RANBP17: variants seen among roughly 807,000 people sequenced by gnomAD.
The protein encoded by RANBP17 is RAN binding protein 17, also known as ran-binding protein 17.
Under a neutral mutation model 141.2 loss-of-function variants are expected in RANBP17, and 158 were observed. The observed-to-expected ratio is 1.12, with a 90% CI of 0.98 to 1.28. The LOEUF is 1.28. RANBP17 is among the 50% of genes most tolerant of loss of function. The pLI is 0.00. For missense variants in RANBP17, 1,438 were observed against 1,290.7 expected (o/e 1.11, Z -1.75); for synonymous variants, 430 against 450.0 (o/e 0.96, Z 0.56).
intron 14 of RANBP17, among the ~76,000 whole-genome samples, chr5:170,988,317 A>ACT (rs1778290083): frequency 2.7e-5 from 4 of 150,918 alleles, no homozygotes; most frequent in Non-Finnish European, 5.9e-5. Flanking sequence ...GGAGAGGGTG[A>ACT]TAATTTCATC....
chr5:171,029,526 A>G (rs1423060244), intron 14 of RANBP17, among the ~76,000 whole-genome samples: 5 of 152,114 alleles, frequency 3.3e-5, no homozygotes, highest in African/African-American at 1.2e-4. Flanking sequence ...TTGGCTTGCC[A>G]TGAATTCTTT....
At chr5:170,906,359 C>T (rs1222285488) in intron 5 of RANBP17, among the ~76,000 whole-genome samples, 6 of 151,948 alleles carry the variant, frequency 3.9e-5, no homozygotes, top group African/African-American at 1.4e-4. Flanking sequence ...TAAAATGTCC[C>T]TCAATTTGGG....
intron 13 of RANBP17, among the ~76,000 whole-genome samples, chr5:170,958,941 A>G (rs1189401863): frequency 6.6e-6 from 1 of 152,194 alleles, no homozygotes; most frequent in East Asian, 1.9e-4. Context: ...CTTATTCATC[A>G]TGCATCCTGT....
chr5:170,889,398 G>A (rs896878356), intron 3 of RANBP17, among the ~76,000 whole-genome samples: 2 of 151,986 alleles, frequency 1.3e-5, no homozygotes, highest in Non-Finnish European at 2.9e-5. Flanking sequence ...TTTGGATTTA[G>A]AGTTTTGAAT....
At chr5:170,941,012 A>G (rs934364755) in intron 12 of RANBP17, among the ~76,000 whole-genome samples, 1 of 152,182 alleles carries the variant, frequency 6.6e-6, no homozygotes, top group Non-Finnish European at 1.5e-5. Flanking sequence ...TAAAACATAT[A>G]CTTGTAAATA....
At chr5:170,983,708 A>T (rs1243684712) in intron 14 of RANBP17, among the ~76,000 whole-genome samples, 1 of 152,208 alleles carries the variant, frequency 6.6e-6, no homozygotes, top group East Asian at 1.9e-4. Context: ...ATGTATGTGT[A>T]TAATTTTAGT....
At chr5:170,912,380 C>T (rs1191385764) in intron 7 of RANBP17, among the ~76,000 whole-genome samples, 2 of 151,884 alleles carry the variant, frequency 1.3e-5, no homozygotes, top group Non-Finnish European at 2.9e-5. Flanking sequence ...GGTAGGAGTT[C>T]ACGGGGTCTT....
At chr5:171,114,486 G>A (rs1755474013) in intron 14 of RANBP17, among the ~76,000 whole-genome samples, 1 of 151,586 alleles carries the variant, frequency 6.6e-6, no homozygotes, top group South Asian at 2.1e-4. Context: ...GAAATACATA[G>A]AATGATTTTA....
At chr5:171,226,583 C>A (rs528793517) in intron 22 of RANBP17, among the ~76,000 whole-genome samples, 1 of 152,222 alleles carries the variant, frequency 6.6e-6, no homozygotes, top group East Asian at 1.9e-4. Flanking sequence ...TTATTCGTCA[C>A]CACCTAGATA....
At chr5:171,089,101 C>CT (rs1375475559) in intron 14 of RANBP17, among the ~76,000 whole-genome samples, 15 of 151,618 alleles carry the variant, frequency 9.9e-5, no homozygotes, top group African/African-American at 3.2e-4. Context: ...GTTTTATCTA[C>CT]TTTTGGTCTT....
chr5:171,213,657 A>G lies in RANBP17; in HGVS notation c.2258A>G (p.Gln753Arg). ...TACCCAACGTACCTTCCCCTTCTTC[A>G]GAATGCTGTTGAACGGTGGTATGGA... ...WMYPTYLPLLQNAVERWYGEP... is the reference protein window; with the variant it reads ...WMYPTYLPLLRNAVERWYGEP... Residue 753 changes from glutamine (Q) to arginine (R), a missense_variant, in exon 21 of 28, where the codon CAG (glutamine) becomes CGG (arginine). Coordinates refer to ENST00000523189, the MANE Select transcript of RANBP17 (RefSeq NM_022897.5). 1 of 1,613,778 alleles carries G rather than the reference A, an allele frequency of 6.2e-7. No homozygotes were observed. The highest frequency in any genetic ancestry group is 1.3e-5 in the African/African-American group (1 of 75,034).
chr5:170,891,821 A>T (rs1456745281), intron 3 of RANBP17, among the ~76,000 whole-genome samples: 5 of 152,222 alleles, frequency 3.3e-5, no homozygotes, highest in African/African-American at 4.8e-5. Context: ...TTGGTCAGGG[A>T]CACAAATCCA....
chr5:170,943,800 A>C (rs1472420597), intron 12 of RANBP17, among the ~76,000 whole-genome samples: 1 of 152,188 alleles, frequency 6.6e-6, no homozygotes, highest in African/African-American at 2.4e-5. Flanking sequence ...TGTTTTGATA[A>C]ATACGTAGCG....
intron 3 of RANBP17, among the ~76,000 whole-genome samples, chr5:170,889,814 A>G (rs1368297369): frequency 6.6e-6 from 1 of 152,058 alleles, no homozygotes; most frequent in Non-Finnish European, 1.5e-5. Context: ...ATTTCTTCTT[A>G]GTATGGCTTT....
intron 25 of RANBP17, among the ~76,000 whole-genome samples, chr5:171,284,226 A>G (rs1021533001): frequency 2.6e-5 from 4 of 152,164 alleles, no homozygotes; most frequent in Non-Finnish European, 5.9e-5. Flanking sequence ...CCACCTCTAC[A>G]CTACCTGTAG....
At chr5:171,028,849 C>G (rs1283029680) in intron 14 of RANBP17, 8 of 1,198,008 alleles carry the variant, frequency 6.7e-6, no homozygotes, top group Non-Finnish European at 7.7e-6. Context: ...CCTTTTTTTT[C>G]TTTTCTTTTT....
intron 27 of RANBP17, among the ~76,000 whole-genome samples, chr5:171,298,292 G>T (rs1768946166): frequency 6.6e-6 from 1 of 152,136 alleles, no homozygotes; most frequent in South Asian, 2.1e-4. Flanking sequence ...GTCTAACCCA[G>T]TGCCCCCTCT....
intron 25 of RANBP17, among the ~76,000 whole-genome samples, chr5:171,270,065 C>T (rs569179179): frequency 7.9e-5 from 12 of 152,132 alleles, no homozygotes; most frequent in South Asian, 2.1e-4. Context: ...CTCAAGCTTC[C>T]GTAGTAAAGG....
intron 14 of RANBP17, among the ~76,000 whole-genome samples, chr5:171,118,993 G>T (rs1049155807): frequency 4.6e-5 from 7 of 152,076 alleles, no homozygotes; most frequent in African/African-American, 1.7e-4. Context: ...CCCTTGTCTT[G>T]TTCCAGTTTA....
Sources: gnomAD v4.1 joint callset for allele counts (sites outside exome capture counted in the v4.1 genomes callset) on GRCh38, gnomAD v4.1.1 for gene constraint, MANE v1.5 for transcripts, NCBI Gene and HGNC (gene_info 2026-07-23, HGNC 2026-07-21) for gene names.